ADORA2B: variants seen among roughly 807,000 people sequenced by gnomAD.
ADORA2B encodes the protein adenosine receptor A2b.
A neutral mutation model predicts 20.8 loss-of-function variants in ADORA2B; 18 were observed. The ratio of observed to expected loss-of-function variants is 0.87; its 90% confidence interval spans 0.60 to 1.29. ADORA2B has a LOEUF of 1.29. Ranked by LOEUF, ADORA2B falls within the 50% of genes most tolerant of loss-of-function variation. The pLI is 0.00. For synonymous variants in ADORA2B, 179 were observed against 178.3 expected (o/e 1.00, Z -0.03); for missense variants, 441 against 422.7 (o/e 1.04, Z -0.38).
chr17:15,855,744 A>G, the ADORA2B span, among the ~76,000 whole-genome samples: 3 of 152,124 alleles, frequency 2.0e-5, no homozygotes, highest in Admixed American at 1.3e-4. Flanking sequence ...GTTTGTTACA[A>G]TGGGTATATT....
chr17:15,967,852 A>C (rs192232631), intron 1 of ADORA2B, among the ~76,000 whole-genome samples: 10 of 152,222 alleles, frequency 6.6e-5, no homozygotes, highest in African/African-American at 2.4e-4. Flanking sequence ...CATTGAATAG[A>C]CATGACTCAA....
the ADORA2B span, among the ~76,000 whole-genome samples, chr17:15,913,392 C>T: frequency 6.6e-6 from 1 of 152,192 alleles, no homozygotes; most frequent in Non-Finnish European, 1.5e-5. Context: ...GAATAAACAC[C>T]TCCGCATCCA....
chr17:15,910,550 C>T, the ADORA2B span, among the ~76,000 whole-genome samples: 4 of 152,204 alleles, frequency 2.6e-5, no homozygotes, highest in East Asian at 3.9e-4. Flanking sequence ...TCACCCGCCT[C>T]GGCCTCCCAA....
chr17:15,970,595 GTTTTC>G (rs969313551), intron 1 of ADORA2B, among the ~76,000 whole-genome samples: 17 of 152,252 alleles, frequency 1.1e-4, no homozygotes, highest in Admixed American at 8.5e-4. Flanking sequence ...TCTTTTCTTT[GTTTTC>G]TTTTCTTATT....
intron 1 of ADORA2B, among the ~76,000 whole-genome samples, chr17:15,950,586 C>T (rs1969886835): frequency 6.6e-6 from 1 of 152,172 alleles, no homozygotes; most frequent in African/African-American, 2.4e-5. Context: ...GTTCTCTCAG[C>T]AGCTCCTGGT....
At chr17:15,881,131 T>G in the ADORA2B span, among the ~76,000 whole-genome samples, 6 of 152,176 alleles carry the variant, frequency 3.9e-5, no homozygotes, top group Non-Finnish European at 5.9e-5. Flanking sequence ...AGACGGAGTC[T>G]TTCTCTGTCG....
intron 1 of ADORA2B, among the ~76,000 whole-genome samples, chr17:15,954,480 C>CT (rs1969943072): frequency 1.3e-5 from 2 of 152,206 alleles, no homozygotes; most frequent in Non-Finnish European, 1.5e-5. Context: ...CACACAGCCG[C>CT]TAGGGCTTCC....
chr17:15,950,612 C>T (rs1454541193), intron 1 of ADORA2B, among the ~76,000 whole-genome samples: 3 of 152,158 alleles, frequency 2.0e-5, no homozygotes, highest in Non-Finnish European at 4.4e-5. Context: ...CTGTGGGCCC[C>T]CAGCTGGACT....
the ADORA2B span, among the ~76,000 whole-genome samples, chr17:15,930,126 TCTGCAAGG>T: frequency 6.6e-6 from 1 of 152,100 alleles, no homozygotes; most frequent in African/African-American, 2.4e-5. Flanking sequence ...CTGCAGGGGC[TCTGCAAGG>T]CAGAGGAAGA....
At chr17:15,927,575 A>C in the ADORA2B span, among the ~76,000 whole-genome samples, 6 of 152,166 alleles carry the variant, frequency 3.9e-5, no homozygotes, top group African/African-American at 1.4e-4. Flanking sequence ...TGAACTCAGG[A>C]GGCGGAGGTT....
the ADORA2B span, among the ~76,000 whole-genome samples, chr17:15,939,561 G>A: frequency 9.2e-5 from 14 of 152,120 alleles, no homozygotes; most frequent in African/African-American, 3.4e-4. Context: ...ATAATGCAGA[G>A]CATAAAGAAG....
At chr17:15,868,757 G>A in the ADORA2B span, among the ~76,000 whole-genome samples, 2 of 146,434 alleles carry the variant, frequency 1.4e-5, no homozygotes, top group East Asian at 2.0e-4. Context: ...TCCAGCCTGG[G>A]CGACAGAGTG....
the ADORA2B span, among the ~76,000 whole-genome samples, chr17:15,855,387 G>A: frequency 2.0e-5 from 3 of 151,930 alleles, no homozygotes; most frequent in Non-Finnish European, 4.4e-5. Context: ...CCCTGTGCTT[G>A]GCCTCTTGTG....
At position 15,945,324 on chromosome 17, in the gene ADORA2B, G is replaced by A. The variant is rs1465757323; in HGVS notation, c.76G>A (p.Val26Met). 1.3e-6 allele frequency: 2 copies of A among 1,595,672 alleles called. No homozygotes were observed. Among genetic ancestry groups the A allele is most frequent in the African/African-American group, 1.3e-5 (1 of 74,578 alleles). ...VIAALSVAGN[V>M]LVCAAVGTAN... ...CGCCGCGCTTTCGGTGGCGGGCAACGTGCTGGTGTGCGCCGCGGTGGGCAC... is the reference window on the plus strand; with the variant it reads ...CGCCGCGCTTTCGGTGGCGGGCAACATGCTGGTGTGCGCCGCGGTGGGCAC... Residue 26 changes from valine to methionine, a missense_variant, in exon 1 of 2, where the codon GTG (valine) becomes ATG (methionine). Val to Met is a conservative substitution (Grantham distance 21). Coordinates refer to ENST00000304222, the MANE Select transcript of ADORA2B (RefSeq NM_000676.4).
At chr17:15,868,284 T>A in the ADORA2B span, among the ~76,000 whole-genome samples, 1 of 135,576 alleles carries the variant, frequency 7.4e-6, no homozygotes, top group South Asian at 2.3e-4. Context: ...CTTTGTTCAC[T>A]TGTTTATCTG....
chr17:15,896,178 C>T, the ADORA2B span, among the ~76,000 whole-genome samples: 1 of 152,172 alleles, frequency 6.6e-6, no homozygotes, highest in African/African-American at 2.4e-5. Flanking sequence ...GCTTATAGTA[C>T]ACAATAGCTG....
At chr17:15,948,401 C>T (rs2779198) in intron 1 of ADORA2B, among the ~76,000 whole-genome samples, 3,148 of 18,126 alleles carry the variant, frequency 0.17, 1,121 homozygotes, top group South Asian at 0.65. Context: ...GCCCTGGCGG[C>T]GGGGGGCTCC....
Position 15,975,158 on chromosome 17 carries a change from T to C in ADORA2B, c.815T>C (p.Met272Thr). The change falls in exon 2 of 2, where the codon ATG (methionine) becomes ACG (threonine). Residue 272 changes from methionine (M) to threonine (T), a missense_variant. Coordinates refer to ENST00000304222, the MANE Select transcript of ADORA2B (RefSeq NM_000676.4). ...GGTAAAAATAAGCCCAAGTGGGCAA[T>C]GAATATGGCCATTCTTCTGTCACAT... ...AQGKNKPKWAMNMAILLSHAN... is the reference protein window; with the variant it reads ...AQGKNKPKWATNMAILLSHAN... The C allele has an allele frequency of 6.2e-7, 1 of 1,614,238 alleles. No homozygotes were observed. Among genetic ancestry groups the C allele is most frequent in the Non-Finnish European group, 8.5e-7 (1 of 1,180,050 alleles).
intron 1 of ADORA2B, among the ~76,000 whole-genome samples, chr17:15,962,401 A>G (rs563445792): frequency 2.6e-5 from 4 of 152,190 alleles, no homozygotes; most frequent in African/African-American, 9.7e-5. Flanking sequence ...ATCAGTTTGC[A>G]TTCTTCTGTA....
Sources: allele counts gnomAD v4.1 joint callset (sites outside exome capture counted in the v4.1 genomes callset), GRCh38; gene constraint gnomAD v4.1.1; transcripts MANE v1.5; gene names NCBI Gene and HGNC (gene_info 2026-07-23, HGNC 2026-07-21).